Variants in SLC22A25 observed in about 807,000 individuals in gnomAD.
The protein encoded by SLC22A25 is MGI:2442751, MGI:2385316, MGI:3042283, MGI:3645714, MGI:3605624, MGI:2442750.
Under a neutral mutation model 45.9 loss-of-function variants are expected in SLC22A25, and 44 were observed. The ratio of observed to expected loss-of-function variants is 0.96; its 90% CI spans 0.75 to 1.23. The LOEUF (loss-of-function observed/expected upper bound fraction) is 1.23, where lower values mean the gene tolerates loss of function less well. SLC22A25 is among the 50% of genes most tolerant of loss of function. SLC22A25 has a pLI of 0.00. For synonymous variants in SLC22A25, 283 were observed against 238.6 expected, an observed-to-expected ratio of 1.19 and a Z score of -1.72; for missense variants, 800 against 666.4, an observed-to-expected ratio of 1.20 and a Z score of -2.21.
At position 63,230,968 on chromosome 11, in the gene SLC22A25, A is replaced by G. The variant is rs190172817; in HGVS notation, c.-444-872T>C. ...TTCCAGCTTCATCCATGTCTCTACAAAGGACATGAACTCATCATTTTTTAT... is the reference window on the plus strand; with the variant it reads ...TTCCAGCTTCATCCATGTCTCTACAGAGGACATGAACTCATCATTTTTTAT... On this transcript the variant is annotated intron_variant, in intron 3 of 11. Transcript: ENST00000306494. 2.7e-3 allele frequency among the ~76,000 whole-genome samples: 404 copies of G among 152,332 alleles called. 1 individual carries two copies. The highest frequency in any genetic ancestry group is 8.2e-3 in the African/African-American group (343 of 41,580).
At position 63,212,653 on chromosome 11, in the gene SLC22A25, A is replaced by T. The variant is rs570775235; in HGVS notation, c.830+4661T>A. Among the ~76,000 whole-genome samples, 10 of 99,468 alleles carry T rather than the reference A, an allele frequency of 1.0e-4. No individual in the cohort carries two copies. The South Asian group carries it at 2.7e-3, about 27-fold the overall frequency. The allele number at this position is 99,468 out of a possible 152,430, so 65.3% of individuals were successfully genotyped here. A position where few individuals can be genotyped will look rare whatever the true frequency, so the allele number is the denominator to read the frequency against. Reference sequence around the variant, plus strand: ...GGACGCAGGAAGGGGAACATCACACACTGTGGTCTGTTGTGGGGTGGGGGA... The same window carrying T: ...GGACGCAGGAAGGGGAACATCACACTCTGTGGTCTGTTGTGGGGTGGGGGA... On this transcript the variant is annotated intron_variant, in intron 7 of 11. Transcript: ENST00000306494.
intron 7 of SLC22A25, among the ~76,000 whole-genome samples, chr11:63,209,972 T>C (rs925248173): frequency 2.0e-5 from 3 of 152,040 alleles, no homozygotes; most frequent in Admixed American, 6.5e-5. Flanking sequence ...TGCAGCTATA[T>C]AGAAAGGCAC....
chr11:63,177,835 A>G (rs2088151190), intron 9 of SLC22A25, among the ~76,000 whole-genome samples: 1 of 61,134 alleles, frequency 1.6e-5, no homozygotes, highest in South Asian at 7.5e-4. Context: ...TATATATATA[A>G]TGTGTATATA....
At position 63,183,787 on chromosome 11, in the gene SLC22A25, A is replaced by G. The variant is rs1296365277; in HGVS notation, c.861T>C (p.Ile287=). ...AGCCCTCTTCTGGTTTGTTGTTGAT[A>G]ATGAGCCACCGAGCAGACTCTGCCA... ...RWLAESARWL[I]INNKPEEGLK... Residue 287 remains isoleucine (I), a synonymous_variant, in exon 8 of 12, where the codon ATT becomes ATC. Coordinates refer to ENST00000306494, the MANE Select transcript of SLC22A25 (RefSeq NM_199352.6). The G allele has an allele frequency of 6.2e-7, 1 of 1,613,074 alleles. No homozygotes were observed.
intron 7 of SLC22A25, among the ~76,000 whole-genome samples, chr11:63,190,277 G>T (rs936505575): frequency 2.6e-5 from 4 of 151,660 alleles, no homozygotes; most frequent in African/African-American, 9.7e-5. Context: ...CTTCTTTTCT[G>T]ATTTCATTTC....
At chr11:63,202,913 CT>C (rs781066318) in intron 7 of SLC22A25, among the ~76,000 whole-genome samples, 15 of 152,212 alleles carry the variant, frequency 9.9e-5, no homozygotes, top group Non-Finnish European at 2.1e-4. Flanking sequence ...AGAGCTCCAG[CT>C]GGCATCTGGC....
intron 3 of SLC22A25, among the ~76,000 whole-genome samples, chr11:63,237,392 G>A (rs1182612161): frequency 6.6e-6 from 1 of 152,130 alleles, no homozygotes. Flanking sequence ...GTTATTGCAG[G>A]AGGGGATCCT....
In SLC22A25 at chr11:63,160,764, A is replaced by G. The variant is rs2134699982; in HGVS notation, c.*3060T>C. 6.6e-6 allele frequency among the ~76,000 whole-genome samples: 1 copy of G among 152,314 alleles called. No homozygotes were observed. The highest frequency in any genetic ancestry group is 1.9e-4 in the East Asian group (1 of 5,176). On this transcript the variant is annotated 3_prime_UTR_variant, in exon 12 of 12. Transcript: ENST00000306494. The stretch of plus-strand genomic sequence containing the variant: ...AGGCTGTACCCTGCAAAGCCACAGA[A>G]GCAGAGCTGCCCAAGAGCATGGAAA...
chr11:63,211,323 CA>C (rs1168380621), intron 7 of SLC22A25, among the ~76,000 whole-genome samples: 1 of 152,134 alleles, frequency 6.6e-6, no homozygotes, highest in East Asian at 1.9e-4. Flanking sequence ...ATGAGCAAGC[CA>C]AAAGGTGAAT....
rs922332097 is a variant in SLC22A25 at position 63,231,264 on chromosome 11, C to A, written c.-444-1168G>T. Among the ~76,000 whole-genome samples the A allele has an allele frequency of 5.9e-5, 9 of 152,354 alleles. No individual in the cohort carries two copies. In the South Asian group the frequency reaches 1.4e-3, roughly 25 times the overall value. On this transcript the variant is annotated intron_variant, in intron 3 of 11. Coordinates refer to ENST00000306494, the MANE Select transcript of SLC22A25 (RefSeq NM_199352.6). ...ATGGTTGAACTAGTTTACAGTCCCA[C>A]CAACAGTGTAAAAGTGTTCCTATTT...
intron 7 of SLC22A25, among the ~76,000 whole-genome samples, chr11:63,216,069 A>C (rs531273761): frequency 4.6e-5 from 7 of 152,250 alleles, no homozygotes; most frequent in Non-Finnish European, 1.0e-4. Context: ...TGTAATGAAC[A>C]TTTGCAACAG....
chr11:63,175,000 G>A (rs572276908), intron 9 of SLC22A25, among the ~76,000 whole-genome samples: 54 of 152,130 alleles, frequency 3.5e-4, no homozygotes, highest in Admixed American at 2.0e-4. Context: ...TCATGAGTAC[G>A]TACCACATTT....
intron 9 of SLC22A25, among the ~76,000 whole-genome samples, chr11:63,169,312 A>C (rs1329607873): frequency 6.6e-6 from 1 of 152,238 alleles, no homozygotes; most frequent in East Asian, 1.9e-4. Flanking sequence ...CAAATTAAAC[A>C]TAACAATGTT....
rs534624643 is a variant in SLC22A25 at position 63,162,850 on chromosome 11, G to T, written c.*974C>A. ...TAAATTTTAGTAGTATCTAGAAATG[G>T]TCTCGATTTTTCCTTTATCTTGCTG... On this transcript the variant is annotated 3_prime_UTR_variant, in exon 12 of 12. Coordinates refer to ENST00000306494, the MANE Select transcript of SLC22A25 (RefSeq NM_199352.6). Among the ~76,000 whole-genome samples the T allele has an allele frequency of 2.6e-5, 4 of 152,166 alleles. No homozygotes were observed. The South Asian group carries it at 6.2e-4, about 24-fold the overall frequency.
chr11:63,236,111 G>T (rs2090158483), intron 3 of SLC22A25, among the ~76,000 whole-genome samples: 1 of 152,222 alleles, frequency 6.6e-6, no homozygotes, highest in African/African-American at 2.4e-5. Context: ...TGAGGAGGCA[G>T]TCTGCCTGTT....
At chr11:63,240,981 A>G (rs1302866886) in intron 1 of SLC22A25, among the ~76,000 whole-genome samples, 1 of 152,252 alleles carries the variant, frequency 6.6e-6, no homozygotes, top group African/African-American at 2.4e-5. Context: ...ATAAAAAAAA[A>G]TTTGTAGCAT....
chr11:63,213,731 G>A (rs2089638811), intron 7 of SLC22A25, among the ~76,000 whole-genome samples: 1 of 152,186 alleles, frequency 6.6e-6, no homozygotes, highest in Non-Finnish European at 1.5e-5. Context: ...CTCACTGCTG[G>A]CAGGACCTTC....
intron 7 of SLC22A25, among the ~76,000 whole-genome samples, chr11:63,212,932 G>C (rs1316751377): frequency 6.6e-6 from 1 of 152,154 alleles, no homozygotes; most frequent in African/African-American, 2.4e-5. Context: ...TCCCCATGAG[G>C]GAGGAATGCC....
intron 7 of SLC22A25, among the ~76,000 whole-genome samples, chr11:63,210,197 C>T (rs2089519752): frequency 6.6e-6 from 1 of 152,102 alleles, no homozygotes; most frequent in Non-Finnish European, 1.5e-5. Context: ...TAAGATGAAA[C>T]CTTCAGAAGC....
Sources: allele counts gnomAD v4.1 joint callset (sites outside exome capture counted in the v4.1 genomes callset), GRCh38; gene constraint gnomAD v4.1.1; transcripts MANE v1.5; gene names NCBI Gene and HGNC (gene_info 2026-07-23, HGNC 2026-07-21).